CALCRL: variants seen among roughly 807,000 people sequenced by gnomAD.
CALCRL encodes calcitonin gene-related peptide type 1 receptor.
Under a neutral mutation model 60.4 loss-of-function variants are expected in CALCRL, and 27 were observed. That is an observed-to-expected ratio of 0.45 (90% CI 0.33 to 0.62). CALCRL has a LOEUF of 0.62. Ranked by LOEUF, CALCRL falls within the 20% of genes least tolerant of loss-of-function variation. The probability of loss-of-function intolerance (pLI) is 0.03; values close to 1 mark genes in which losing one functional copy is unlikely to be tolerated. For synonymous variants in CALCRL, 190 were observed against 182.6 expected, an observed-to-expected ratio of 1.04 and a Z score of -0.33; for missense variants, 424 against 540.7, an observed-to-expected ratio of 0.78 and a Z score of 2.14.
At position 187,385,627 on chromosome 2, in the gene CALCRL, A is replaced by C. The variant is rs915169704; in HGVS notation, c.-32T>G. On this transcript the variant is annotated 5_prime_UTR_variant, in exon 4 of 15. An upstream start codon of the reference 5' UTR is lost. Coordinates refer to ENST00000392370, the MANE Select transcript of CALCRL (RefSeq NM_005795.6). ...GCCAAAATGAAATATGCTGTATAAC[A>C]TAAACTGCAACAGAAAATAAAAGAA... 6.2e-6 allele frequency: 9 copies of C among 1,460,172 alleles called. No homozygotes were observed. The highest frequency in any genetic ancestry group is 7.5e-6 in the Non-Finnish European group (8 of 1,064,986). 90.5% of individuals were successfully genotyped at this position (1,460,172 alleles called of 1,614,324 possible).
intron 1 of CALCRL, among the ~76,000 whole-genome samples, chr2:187,389,088 A>G (rs1379652006): frequency 7.2e-6 from 1 of 139,826 alleles, no homozygotes; most frequent in Non-Finnish European, 1.5e-5. Flanking sequence ...TTTTTTTGAG[A>G]AAGAGTCATG....
intron 1 of CALCRL, among the ~76,000 whole-genome samples, chr2:187,392,532 C>T (rs746179943): frequency 2.6e-5 from 4 of 152,090 alleles, no homozygotes; most frequent in African/African-American, 7.2e-5. Flanking sequence ...GAGTTCCACA[C>T]CTGCATGGCA....
In CALCRL at chr2:187,346,841, T is replaced by G. The variant is rs888600104; in HGVS notation, c.1171-442A>C. Reference sequence around the variant, plus strand: ...GAAGTTAGGATACGAAGAATACAAATCAGCAGCAGCAGCAGCAGGGCAGTA... The same window carrying G: ...GAAGTTAGGATACGAAGAATACAAAGCAGCAGCAGCAGCAGCAGGGCAGTA... On this transcript the variant is annotated intron_variant, in intron 14 of 14. Transcript: ENST00000392370. Among the ~76,000 whole-genome samples the G allele has an allele frequency of 6.0e-5, 9 of 150,564 alleles. No homozygotes were observed. In the East Asian group the frequency reaches 1.2e-3, roughly 20 times the overall value.
intron 5 of CALCRL, 25 bp from the exon 6 acceptor site, chr2:187,380,812 G>T (rs1421285972): frequency 3.2e-6 from 5 of 1,553,906 alleles, no homozygotes; most frequent in Non-Finnish European, 4.4e-6. Flanking sequence ...AATAATTGGG[G>T]ATAATTAAAT....
At chr2:187,417,677 T>C (rs139935368) in intron 1 of CALCRL, among the ~76,000 whole-genome samples, 57 of 152,238 alleles carry the variant, frequency 3.7e-4, no homozygotes, top group African/African-American at 1.3e-3. Context: ...TAAACTACAT[T>C]ATTAAAGCTA....
At position 187,345,708 on chromosome 2, in the gene CALCRL, C is replaced by T. The variant is rs900831894; in HGVS notation, c.*476G>A. ...CTGGGCAAAAAAAAAGTCAACTGCC[C>T]CAATCAAGATGGGATAAAGAGTTTT... On this transcript the variant is annotated 3_prime_UTR_variant, in exon 15 of 15. Coordinates refer to ENST00000392370, the MANE Select transcript of CALCRL (RefSeq NM_005795.6). 2 of 151,992 alleles carry T rather than the reference C, an allele frequency of 1.3e-5. No individual in the cohort carries two copies. Among genetic ancestry groups the T allele is most frequent in the Admixed American group, 1.3e-4 (2 of 15,202 alleles). 9.4% of individuals were successfully genotyped at this position (151,992 alleles called of 1,614,324 possible). A position where few individuals can be genotyped will look rare whatever the true frequency, so the allele number is the denominator to read the frequency against.
intron 1 of CALCRL, among the ~76,000 whole-genome samples, chr2:187,447,042 T>C (rs1691222946): frequency 6.6e-6 from 1 of 151,936 alleles, no homozygotes; most frequent in African/African-American, 2.4e-5. Flanking sequence ...ATTTGTGATA[T>C]ATCTACACAA....
At chr2:187,380,280 G>A (rs1018193884) in intron 7 of CALCRL, among the ~76,000 whole-genome samples, 187 bp downstream of exon 7, 1 of 152,092 alleles carries the variant, frequency 6.6e-6, no homozygotes, top group African/African-American at 2.4e-5. Context: ...CTTTTTCAGT[G>A]TAATGACAAA....
intron 14 of CALCRL, among the ~76,000 whole-genome samples, chr2:187,349,497 G>A (rs1414127084): frequency 1.3e-5 from 2 of 151,540 alleles, no homozygotes; most frequent in Non-Finnish European, 3.0e-5. Context: ...TTATGAGAGT[G>A]GGAAAAAGTA....
chr2:187,352,602 T>A (rs1377162664), intron 12 of CALCRL, among the ~76,000 whole-genome samples: 1 of 151,864 alleles, frequency 6.6e-6, no homozygotes, highest in Non-Finnish European at 1.5e-5. Flanking sequence ...GAAGAATATT[T>A]CAGTTTTTCT....
At chr2:187,376,600 A>G (rs1302632411) in intron 8 of CALCRL, among the ~76,000 whole-genome samples, 1 of 152,134 alleles carries the variant, frequency 6.6e-6, no homozygotes, top group Non-Finnish European at 1.5e-5. Flanking sequence ...AGTTCACAGC[A>G]AGCATTTTCC....
chr2:187,395,949 A>T (rs963599442), intron 1 of CALCRL, among the ~76,000 whole-genome samples: 6 of 151,862 alleles, frequency 4.0e-5, no homozygotes, highest in Non-Finnish European at 7.4e-5. Context: ...AATGATTGTT[A>T]TACAGAAACA....
intron 8 of CALCRL, among the ~76,000 whole-genome samples, chr2:187,365,543 TA>T (rs1559044439): frequency 6.6e-6 from 1 of 152,212 alleles, no homozygotes; most frequent in Non-Finnish European, 1.5e-5. Context: ...CACATATATC[TA>T]AGTCCATTGG....
chr2:187,438,302 G>C, intron 1 of CALCRL, among the ~76,000 whole-genome samples: 1 of 152,096 alleles, frequency 6.6e-6, no homozygotes, highest in East Asian at 1.9e-4. Flanking sequence ...TCCTTTGGCT[G>C]TAAGTTTAGA....
intron 1 of CALCRL, among the ~76,000 whole-genome samples, chr2:187,403,381 T>A (rs1688978112): frequency 6.6e-6 from 1 of 151,498 alleles, no homozygotes; most frequent in African/African-American, 2.4e-5. Context: ...GAAGAAAAAA[T>A]TGTCCAGGAG....
chr2:187,406,406 C>T (rs1689129727), intron 1 of CALCRL, among the ~76,000 whole-genome samples: 1 of 151,870 alleles, frequency 6.6e-6, no homozygotes, highest in Non-Finnish European at 1.5e-5. Context: ...ATATTCAATA[C>T]ACATGTCAAA....
At position 187,343,699 on chromosome 2, in the gene CALCRL, A is replaced by G. The variant is rs1333175907; in HGVS notation, c.*2485T>C. ...CATTTTAAAAGCTAGAAATTTCCCCAAATTTATTTTTTTGACAGCAAAGAA... is the reference window on the plus strand; with the variant it reads ...CATTTTAAAAGCTAGAAATTTCCCCGAATTTATTTTTTTGACAGCAAAGAA... On this transcript the variant is annotated 3_prime_UTR_variant, in exon 15 of 15. Transcript: ENST00000392370. The G allele has an allele frequency of 6.6e-6, 1 of 151,614 alleles. No homozygotes were observed. The highest frequency in any genetic ancestry group is 2.1e-4 in the South Asian group (1 of 4,832). 9.4% of individuals were successfully genotyped at this position (151,614 alleles called of 1,614,324 possible).
At chr2:187,387,902 A>G in intron 1 of CALCRL, 146 bp from the exon 2 acceptor site, 1 of 357,200 alleles carries the variant, frequency 2.8e-6, no homozygotes, top group Non-Finnish European at 5.0e-6. Context: ...TCTTTTGCTT[A>G]CAATATATTT....
chr2:187,347,085 C>T (rs1395312818), intron 14 of CALCRL, among the ~76,000 whole-genome samples: 1 of 151,792 alleles, frequency 6.6e-6, no homozygotes, highest in Non-Finnish European at 1.5e-5. Flanking sequence ...AATAAATTTG[C>T]AGTTTAATGA....
Sources: allele counts gnomAD v4.1 joint callset (sites outside exome capture counted in the v4.1 genomes callset), GRCh38; gene constraint gnomAD v4.1.1; transcripts MANE v1.5; gene names NCBI Gene and HGNC (gene_info 2026-07-23, HGNC 2026-07-21).